TLK1: variants seen among roughly 807,000 people sequenced by gnomAD.
The protein encoded by TLK1 is serine/threonine-protein kinase tousled-like 1.
Under a neutral mutation model 105.3 loss-of-function variants are expected in TLK1, and 24 were observed. The ratio of observed to expected loss-of-function variants is 0.23; its 90% CI spans 0.17 to 0.32. TLK1 has a LOEUF of 0.32. Ranked by LOEUF, TLK1 falls within the 10% of genes least tolerant of loss-of-function variation. The probability of loss-of-function intolerance (pLI) is 1.00; values close to 1 mark genes in which losing one functional copy is unlikely to be tolerated. For missense variants in TLK1, 558 were observed against 910.5 expected (o/e 0.61, Z 4.98); for synonymous variants, 321 against 310.4 (o/e 1.03, Z -0.36).
chr2:171,064,574 T>C (rs1024169992), intron 3 of TLK1, among the ~76,000 whole-genome samples: 4 of 152,212 alleles, frequency 2.6e-5, no homozygotes, highest in Non-Finnish European at 5.9e-5. Context: ...CTCTATTTTT[T>C]CTTAGCTATC....
At chr2:171,028,524 G>C (rs1685885798) in intron 11 of TLK1, 119 bp from the exon 12 acceptor site, 4 of 631,660 alleles carry the variant, frequency 6.3e-6, no homozygotes, top group Non-Finnish European at 1.1e-5. Context: ...AGCCCAAAAT[G>C]TATGAGCCAA....
intron 11 of TLK1, among the ~76,000 whole-genome samples, chr2:171,038,454 A>G (rs1021784597): frequency 6.6e-6 from 1 of 152,176 alleles, no homozygotes; most frequent in African/African-American, 2.4e-5. Context: ...AACTAAAGCT[A>G]TAATTTTCTC....
At chr2:171,173,918 T>C (rs1692774763) in intron 1 of TLK1, among the ~76,000 whole-genome samples, 1 of 150,944 alleles carries the variant, frequency 6.6e-6, no homozygotes. Context: ...CACCCCCAGC[T>C]CCCCATTTCC....
rs551293608 is a variant in TLK1, at chr2:171,131,818, CT to C, written c.140-13962del. On this transcript the variant is annotated intron_variant, in intron 1 of 20. Coordinates refer to ENST00000431350, the MANE Select transcript of TLK1 (RefSeq NM_012290.5). ...CAACAATGGCTTATTTTCTTCCAGT[CT>C]TTTTTTCCACATACTTTTTTTTTTT... is the stretch of plus-strand genomic sequence containing the variant. Among the ~76,000 whole-genome samples the C allele has an allele frequency of 1.4e-3, 213 of 151,980 alleles. 1 individual carries two copies. The highest frequency in any genetic ancestry group is 4.9e-3 in the African/African-American group (204 of 41,436).
intron 1 of TLK1, among the ~76,000 whole-genome samples, chr2:171,123,951 T>G (rs1690766463): frequency 6.6e-6 from 1 of 152,262 alleles, no homozygotes; most frequent in Non-Finnish European, 1.5e-5. Context: ...GCATATTCAT[T>G]ACTGGGAAGG....
At chr2:171,155,011 G>A (rs138719702) in intron 1 of TLK1, among the ~76,000 whole-genome samples, 1,684 of 152,144 alleles carry the variant, frequency 0.011, 35 homozygotes, top group African/African-American at 0.039. Context: ...CATATTATAG[G>A]TATAATTCTA....
At chr2:171,058,221 G>A (rs769203783) in intron 4 of TLK1, 24 bp from the exon 5 acceptor site, 13 of 1,611,618 alleles carry the variant, frequency 8.1e-6, no homozygotes, top group Non-Finnish European at 1.1e-5. Flanking sequence ...AGCGCATGAT[G>A]TTAGTAGGGT....
At chr2:171,093,497 G>A (rs2085229168) in intron 2 of TLK1, among the ~76,000 whole-genome samples, 1 of 152,194 alleles carries the variant, frequency 6.6e-6, no homozygotes. Context: ...AAGGAAAGAT[G>A]TGAAAAACCA....
intron 1 of TLK1, among the ~76,000 whole-genome samples, chr2:171,207,987 A>G (rs961012579): frequency 3.9e-5 from 6 of 152,226 alleles, no homozygotes; most frequent in African/African-American, 1.4e-4. Context: ...TCAGCCTCCC[A>G]AAGTGCTGGG....
At chr2:171,157,296 A>G (rs572498879) in intron 1 of TLK1, among the ~76,000 whole-genome samples, 78 of 152,356 alleles carry the variant, frequency 5.1e-4, no homozygotes, top group African/African-American at 1.8e-3. Flanking sequence ...TCTAGCCAAT[A>G]TGACACTAGG....
rs1178401636 is a variant in TLK1, at chr2:170,992,727, G to A, written c.*1053C>T. On this transcript the variant is annotated 3_prime_UTR_variant, in exon 21 of 21. Coordinates refer to ENST00000431350, the MANE Select transcript of TLK1 (RefSeq NM_012290.5). ...TGTACAGTCAACTTGCACCTTCTAG[G>A]TCATTTAATTTTTTAGCAAAGAAGC... is the stretch of plus-strand genomic sequence containing the variant. The A allele has an allele frequency of 6.6e-6, 1 of 152,362 alleles. No individual in the cohort carries two copies. The highest frequency in any genetic ancestry group is 1.5e-5 in the Non-Finnish European group (1 of 67,980). 9.4% of individuals were successfully genotyped at this position (152,362 alleles called of 1,614,324 possible).
At position 170,992,997 on chromosome 2, in the gene TLK1, A is replaced by G. The variant is rs1459928998; in HGVS notation, c.*783T>C. The G allele has an allele frequency of 6.6e-6, 1 of 152,660 alleles. No homozygotes were observed. Among genetic ancestry groups the G allele is most frequent in the Admixed American group, 6.5e-5 (1 of 15,280 alleles). 9.5% of individuals were successfully genotyped at this position (152,660 alleles called of 1,614,324 possible). On this transcript the variant is annotated 3_prime_UTR_variant, in exon 21 of 21. Coordinates refer to ENST00000431350, the MANE Select transcript of TLK1 (RefSeq NM_012290.5). Reference sequence around the variant, plus strand: ...TTTTGATGAACAAGGCCTGGTAACAAAAGAAAAATACCTGTTATCAATTCT... The same window carrying G: ...TTTTGATGAACAAGGCCTGGTAACAGAAGAAAAATACCTGTTATCAATTCT...
chr2:171,064,372 GA>G (rs1478193539), intron 3 of TLK1, among the ~76,000 whole-genome samples: 1 of 151,874 alleles, frequency 6.6e-6, no homozygotes, highest in Admixed American at 6.6e-5. Context: ...GATTTCCTTT[GA>G]AAAAATAGTT....
At chr2:171,068,337 AAAAC>A (rs1315610922) in intron 3 of TLK1, among the ~76,000 whole-genome samples, 2 of 152,156 alleles carry the variant, frequency 1.3e-5, no homozygotes. Flanking sequence ...CTCAAAAACA[AAAAC>A]AAACAAAAAA....
chr2:171,117,189 A>G (rs1690470577), intron 2 of TLK1, among the ~76,000 whole-genome samples: 1 of 152,240 alleles, frequency 6.6e-6, no homozygotes, highest in African/African-American at 2.4e-5. Context: ...GATTCTCATA[A>G]GGAGTGCACA....
rs560562101 is a variant in TLK1, at chr2:171,194,015, G to A, written c.-6+37130C>T. ...ATTACAGGTGTGAGCCACTGCACCCGGTCATTTTTGTTTTAATAATGGGAT... is the reference window on the plus strand; with the variant it reads ...ATTACAGGTGTGAGCCACTGCACCCAGTCATTTTTGTTTTAATAATGGGAT... On this transcript the variant is annotated intron_variant, in intron 1 of 20. Transcript: ENST00000521943. 9.2e-5 allele frequency among the ~76,000 whole-genome samples: 14 copies of A among 152,008 alleles called. No homozygotes were observed. In the South Asian group the frequency reaches 2.5e-3, roughly 27 times the overall value.
intron 11 of TLK1, among the ~76,000 whole-genome samples, chr2:171,040,063 A>C (rs968655869): frequency 2.0e-5 from 3 of 152,174 alleles, no homozygotes; most frequent in Admixed American, 6.5e-5. Flanking sequence ...TGTGTATAGA[A>C]GCATGCTCAT....
chr2:171,070,958 A>C (rs985121440), intron 3 of TLK1, among the ~76,000 whole-genome samples: 1 of 152,140 alleles, frequency 6.6e-6, no homozygotes, highest in African/African-American at 2.4e-5. Context: ...TCTGGATAAA[A>C]GCCATTTTAA....
intron 12 of TLK1, among the ~76,000 whole-genome samples, chr2:171,021,657 C>T (rs1286929857): frequency 7.9e-5 from 12 of 152,110 alleles, no homozygotes; most frequent in Admixed American, 7.9e-4. Flanking sequence ...GGTAGCCAAG[C>T]AACTGTTTTC....
Sources: allele counts gnomAD v4.1 joint callset (sites outside exome capture counted in the v4.1 genomes callset), GRCh38; gene constraint gnomAD v4.1.1; transcripts MANE v1.5; gene names NCBI Gene and HGNC (gene_info 2026-07-23, HGNC 2026-07-21).